NUSAP1: variants seen among roughly 807,000 people sequenced by gnomAD.
NUSAP1 encodes nucleolar and spindle associated protein 1.
Under a neutral mutation model 52.8 loss-of-function variants are expected in NUSAP1, and 32 were observed. The ratio of observed to expected loss-of-function variants is 0.61; its 90% CI spans 0.46 to 0.81. The LOEUF (loss-of-function observed/expected upper bound fraction) is 0.81, where lower values mean the gene tolerates loss of function less well. NUSAP1 is among the 40% of genes least tolerant of loss of function. NUSAP1 has a pLI of 0.00. For missense variants in NUSAP1, 499 were observed against 522.3 expected (o/e 0.96, Z 0.43); for synonymous variants, 195 against 183.1 (o/e 1.06, Z -0.52).
intron 6 of NUSAP1, among the ~76,000 whole-genome samples, chr15:41,360,615 C>G (rs1220639025): frequency 6.6e-6 from 1 of 152,008 alleles, no homozygotes; most frequent in African/African-American, 2.4e-5. Flanking sequence ...GGCGCCCAGC[C>G]CCTGCTAATT....
In NUSAP1 at chr15:41,349,745, C is replaced by CT. The variant is rs974319283; in HGVS notation, c.306+512dup. Among the ~76,000 whole-genome samples the CT allele has an allele frequency of 4.2e-5, 6 of 143,502 alleles. 1 individual carries two copies. The highest frequency in any genetic ancestry group is 1.3e-4 in the African/African-American group (5 of 39,044). The allele number at this position is 143,502 out of a possible 152,430, so 94.1% of individuals were successfully genotyped here. A position where few individuals can be genotyped will look rare whatever the true frequency, so the allele number is the denominator to read the frequency against. On this transcript the variant is annotated intron_variant, in intron 3 of 10. Transcript: ENST00000559596. ...AAATGTAATTTTTACAAAGCACAGT[C>CT]TTTTTTTTCTTTTTTCTTTTCTTTT...
intron 2 of NUSAP1, chr15:41,345,610 C>A: frequency 6.4e-6 from 2 of 310,584 alleles, no homozygotes; most frequent in Non-Finnish European, 1.2e-5. Flanking sequence ...CAGGCATGCG[C>A]CACCACACCC....
At chr15:41,347,893 CAGG>C (rs1224098273) in intron 2 of NUSAP1, among the ~76,000 whole-genome samples, 1 of 151,782 alleles carries the variant, frequency 6.6e-6, no homozygotes, top group African/African-American at 2.4e-5. Context: ...GAGGCCAAGG[CAGG>C]AGGATGACTT....
intron 8 of NUSAP1, 52 bp from the exon 9 acceptor site, chr15:41,375,660 A>G: frequency 2.7e-6 from 3 of 1,124,196 alleles, no homozygotes; most frequent in Non-Finnish European, 4.1e-6. Flanking sequence ...TAAACACTTT[A>G]CCAGGTCTTT....
rs1374562770 is a variant in NUSAP1, at chr15:41,346,826, CAAAAA to C, written c.163-2271_163-2267del. Among the ~76,000 whole-genome samples, 44 of 129,962 alleles carry C rather than the reference CAAAAA, an allele frequency of 3.4e-4. 1 individual carries two copies. Among genetic ancestry groups the C allele is most frequent in the East Asian group, 8.8e-4 (4 of 4,522 alleles). The allele number at this position is 129,962 out of a possible 152,430, so 85.3% of individuals were successfully genotyped here. A position where few individuals can be genotyped will look rare whatever the true frequency, so the allele number is the denominator to read the frequency against. ...TGGGCAACAGAGCCAGACCCCGTCT[CAAAAA>C]TAAATAAATAAATAAATAAATAAAT... On this transcript the variant is annotated intron_variant, in intron 2 of 10. Transcript: ENST00000559596.
rs1027725966 is a variant in NUSAP1 at position 41,380,434 on chromosome 15, A to G, written c.*248A>G. The G allele has an allele frequency of 7.4e-6, 2 of 271,982 alleles. No homozygotes were observed. Among genetic ancestry groups the G allele is most frequent in the Non-Finnish European group, 1.4e-5 (2 of 143,784 alleles). The allele number at this position is 271,982 out of a possible 1,614,324, so 16.8% of individuals were successfully genotyped here. A position where few individuals can be genotyped will look rare whatever the true frequency, so the allele number is the denominator to read the frequency against. On this transcript the variant is annotated 3_prime_UTR_variant, in exon 11 of 11. Transcript: ENST00000559596. ...ACAATTCAGGTTTCTAACGAGACCC[A>G]TCCTAAAATTCTGTTTCTAGATTTT...
chr15:41,350,915 T>G, intron 3 of NUSAP1, 73 bp from the exon 4 acceptor site: 1 of 1,335,402 alleles, frequency 7.5e-7, no homozygotes, highest in Non-Finnish European at 1.0e-6. Context: ...CCCCCTCACT[T>G]TGGTACTTAT....
chr15:41,333,614 G>A (rs979529006), intron 1 of NUSAP1, among the ~76,000 whole-genome samples: 1 of 152,178 alleles, frequency 6.6e-6, no homozygotes. Flanking sequence ...CTTTGACTCC[G>A]AGGCTACAAG....
intron 4 of NUSAP1, among the ~76,000 whole-genome samples, chr15:41,352,762 G>C (rs2048824003): frequency 6.6e-6 from 1 of 151,936 alleles, no homozygotes; most frequent in South Asian, 2.1e-4. Flanking sequence ...TCACCATGTT[G>C]CCCAGGCTGG....
At chr15:41,333,467 A>G (rs2047998628) in intron 1 of NUSAP1, among the ~76,000 whole-genome samples, 2 of 152,134 alleles carry the variant, frequency 1.3e-5, no homozygotes. Flanking sequence ...AGTGATTTGT[A>G]ATATTGCCGA....
intron 6 of NUSAP1, among the ~76,000 whole-genome samples, chr15:41,362,931 C>T (rs1333358200): frequency 2.0e-5 from 3 of 151,926 alleles, no homozygotes; most frequent in Non-Finnish European, 4.4e-5. Context: ...TGAGATCGGG[C>T]CACTGTCCTC....
chr15:41,370,887 A>G (rs1009869837), intron 7 of NUSAP1, among the ~76,000 whole-genome samples: 1 of 152,082 alleles, frequency 6.6e-6, no homozygotes, highest in Non-Finnish European at 1.5e-5. Flanking sequence ...ATACCACTGC[A>G]TGCCAGCCTG....
chr15:41,376,217 G>A (rs556024998), intron 9 of NUSAP1, among the ~76,000 whole-genome samples: 1 of 151,354 alleles, frequency 6.6e-6, no homozygotes, highest in Non-Finnish European at 1.5e-5. Context: ...CCAACATGGT[G>A]AAACCCCGTC....
chr15:41,338,832 G>A (rs1324005333), intron 1 of NUSAP1, among the ~76,000 whole-genome samples: 1 of 151,972 alleles, frequency 6.6e-6, no homozygotes, highest in Non-Finnish European at 1.5e-5. Context: ...AGGCGTGGTG[G>A]CATGTGCCTA....
At chr15:41,349,923 C>A (rs570825009) in intron 3 of NUSAP1, among the ~76,000 whole-genome samples, 2 of 151,868 alleles carry the variant, frequency 1.3e-5, no homozygotes, top group African/African-American at 4.8e-5. Context: ...GCCACCACCA[C>A]GCCCAACTAA....
intron 7 of NUSAP1, among the ~76,000 whole-genome samples, chr15:41,370,729 G>A (rs909959111): frequency 2.2e-5 from 3 of 134,170 alleles, no homozygotes; most frequent in Admixed American, 8.4e-5. Context: ...CAGCCTGGGC[G>A]ACCGAGCAAA....
rs746809393 is a variant in NUSAP1 at position 41,377,186 on chromosome 15, C to T, written c.1124-10C>T. 1.2e-5 allele frequency: 17 copies of T among 1,369,288 alleles called. No homozygotes were observed. Among genetic ancestry groups the T allele is most frequent in the Middle Eastern group, 3.7e-4 (2 of 5,370 alleles). 84.8% of individuals were successfully genotyped at this position (1,369,288 alleles called of 1,614,324 possible). On this transcript the variant is annotated splice_polypyrimidine_tract_variant and intron_variant, in intron 9 of 10. Transcript: ENST00000559596. ...TCTTTTTAAAATTCTTTGTCTCTGTCCTAAACTAGGAAAGCTAAAACCATG... is the reference window on the plus strand; with the variant it reads ...TCTTTTTAAAATTCTTTGTCTCTGTTCTAAACTAGGAAAGCTAAAACCATG...
chr15:41,380,284 C>G lies in NUSAP1; in HGVS notation c.*98C>G. On this transcript the variant is annotated 3_prime_UTR_variant, in exon 11 of 11. Coordinates refer to ENST00000559596, the MANE Select transcript of NUSAP1 (RefSeq NM_016359.5). ...GTCATCCCCACTTTAGTCACGAGAT[C>G]TTTTTCTGCTAACTGTTCATAGTCT... The G allele has an allele frequency of 2.7e-6, 2 of 743,024 alleles. No individual in the cohort carries two copies. Among genetic ancestry groups the G allele is most frequent in the Non-Finnish European group, 4.5e-6 (2 of 443,838 alleles). The allele number at this position is 743,024 out of a possible 1,614,324, so 46.0% of individuals were successfully genotyped here. A position where few individuals can be genotyped will look rare whatever the true frequency, so the allele number is the denominator to read the frequency against.
In NUSAP1 at chr15:41,337,622, G is replaced by C. The variant is rs2048206538; in HGVS notation, c.93+4572G>C. ...CCCTATTTCTCTGTTCTTTTCTACTGAAATTGCTTTATTAAGGTCGCCATC... is the reference window on the plus strand; with the variant it reads ...CCCTATTTCTCTGTTCTTTTCTACTCAAATTGCTTTATTAAGGTCGCCATC... On this transcript the variant is annotated intron_variant, in intron 1 of 10. Coordinates refer to ENST00000559596, the MANE Select transcript of NUSAP1 (RefSeq NM_016359.5). Among the ~76,000 whole-genome samples, 3 of 152,210 alleles carry C rather than the reference G, an allele frequency of 2.0e-5. No homozygotes were observed. In the South Asian group the frequency reaches 6.2e-4, roughly 32 times the overall value.
Sources: gnomAD v4.1 joint callset for allele counts (sites outside exome capture counted in the v4.1 genomes callset) on GRCh38, gnomAD v4.1.1 for gene constraint, MANE v1.5 for transcripts, NCBI Gene and HGNC (gene_info 2026-07-23, HGNC 2026-07-21) for gene names.